The following PRR5L variants were observed in gnomAD, a reference collection of about 807,000 sequenced individuals.
PRR5L encodes the protein proline rich 5 like, also known as proline-rich protein 5-like.
In PRR5L, 21 loss-of-function variants were observed where a neutral mutation model predicts 36.4. The observed-to-expected ratio is 0.58, with a 90% CI of 0.41 to 0.83. The LOEUF is 0.83. Ranked by LOEUF, PRR5L falls within the 40% of genes least tolerant of loss-of-function variation. PRR5L has a pLI of 0.00. For synonymous variants in PRR5L, 188 were observed against 197.0 expected (o/e 0.95, Z 0.38); for missense variants, 381 against 473.3 (o/e 0.80, Z 1.81).
chr11:36,333,762 T>C (rs1856741999), intron 1 of PRR5L, among the ~76,000 whole-genome samples: 1 of 152,214 alleles, frequency 6.6e-6, no homozygotes, highest in Non-Finnish European at 1.5e-5. Context: ...GGAAATCTTC[T>C]GGGAATGGTA....
chr11:36,341,963 CT>C (rs1304093820), intron 1 of PRR5L, among the ~76,000 whole-genome samples: 1 of 152,200 alleles, frequency 6.6e-6, no homozygotes, highest in Non-Finnish European at 1.5e-5. Flanking sequence ...CATTGGACAG[CT>C]AATGGAAATG....
chr11:36,417,523 T>C (rs866940436), intron 3 of PRR5L, among the ~76,000 whole-genome samples: 3 of 138,716 alleles, frequency 2.2e-5, no homozygotes, highest in South Asian at 2.4e-4. Flanking sequence ...AACTCCTGGG[T>C]TGTGTTGACA....
intron 1 of PRR5L, among the ~76,000 whole-genome samples, chr11:36,368,296 A>T (rs1393099966): frequency 2.0e-5 from 3 of 152,138 alleles, no homozygotes; most frequent in Non-Finnish European, 4.4e-5. Flanking sequence ...GGGGATAGCG[A>T]GTAGAATAGT....
At chr11:36,460,744 A>G (rs1398058346) in intron 8 of PRR5L, among the ~76,000 whole-genome samples, 1 of 152,202 alleles carries the variant, frequency 6.6e-6, no homozygotes, top group Non-Finnish European at 1.5e-5. Context: ...ATCTTGCCCT[A>G]TGACCTTCGA....
intron 1 of PRR5L, among the ~76,000 whole-genome samples, chr11:36,368,053 G>A (rs575821043): frequency 9.2e-5 from 14 of 152,064 alleles, no homozygotes; most frequent in Non-Finnish European, 2.1e-4. Flanking sequence ...AAATGAAAAC[G>A]TCAAGGCTGA....
At chr11:36,398,274 T>A (rs1857711364) in intron 1 of PRR5L, 1 of 152,388 alleles carries the variant, frequency 6.6e-6, no homozygotes, top group African/African-American at 2.4e-5. Flanking sequence ...ACCTTTGTCA[T>A]CTGTCAATGG....
At chr11:36,370,633 G>C (rs1356545214) in intron 1 of PRR5L, among the ~76,000 whole-genome samples, 1 of 152,184 alleles carries the variant, frequency 6.6e-6, no homozygotes, top group Non-Finnish European at 1.5e-5. Flanking sequence ...TGTAATCCCA[G>C]CACTTTGGGA....
At chr11:36,362,672 C>A (rs1216070465) in intron 1 of PRR5L, among the ~76,000 whole-genome samples, 1 of 152,212 alleles carries the variant, frequency 6.6e-6, no homozygotes, top group East Asian at 1.9e-4. Context: ...TCTTTCCTTT[C>A]TCACTTCCAC....
intron 1 of PRR5L, among the ~76,000 whole-genome samples, chr11:36,374,087 T>G (rs569395618): frequency 4.3e-5 from 5 of 117,560 alleles, no homozygotes; most frequent in Non-Finnish European, 8.9e-5. Context: ...CCTTCCTTCC[T>G]TCCTTCCTTC....
chr11:36,314,844 G>C (rs1256093472), intron 1 of PRR5L, among the ~76,000 whole-genome samples: 3 of 152,146 alleles, frequency 2.0e-5, no homozygotes, highest in African/African-American at 4.8e-5. Flanking sequence ...ATGTGACCTT[G>C]GGTGAGTTAT....
chr11:36,336,714 G>A (rs1856772381), intron 1 of PRR5L, among the ~76,000 whole-genome samples: 1 of 151,958 alleles, frequency 6.6e-6, no homozygotes, highest in Non-Finnish European at 1.5e-5. Context: ...TCTAAGATGT[G>A]TTATAAACAT....
intron 5 of PRR5L, among the ~76,000 whole-genome samples, chr11:36,432,894 C>G (rs1406715652): frequency 6.6e-6 from 1 of 152,156 alleles, no homozygotes; most frequent in Non-Finnish European, 1.5e-5. Flanking sequence ...AAATGAGAAA[C>G]TGACGCTGGA....
chr11:36,340,626 T>G (rs1337456036), intron 1 of PRR5L, among the ~76,000 whole-genome samples: 1 of 152,144 alleles, frequency 6.6e-6, no homozygotes, highest in Non-Finnish European at 1.5e-5. Context: ...CTTCAGAGTC[T>G]TTGCTTTGAA....
At chr11:36,367,315 A>T (rs184707037) in intron 1 of PRR5L, among the ~76,000 whole-genome samples, 4 of 152,240 alleles carry the variant, frequency 2.6e-5, no homozygotes, top group Admixed American at 2.0e-4. Context: ...GTTGGTCAAT[A>T]ACACACAAGT....
intron 4 of PRR5L, among the ~76,000 whole-genome samples, chr11:36,427,344 TGGGTG>T (rs1398816010): frequency 6.6e-6 from 1 of 152,144 alleles, no homozygotes; most frequent in Non-Finnish European, 1.5e-5. Context: ...AGTTGCTTCC[TGGGTG>T]GTTACTATTT....
intron 3 of PRR5L, among the ~76,000 whole-genome samples, chr11:36,408,443 C>G (rs1857955367): frequency 6.6e-6 from 1 of 152,160 alleles, no homozygotes; most frequent in Admixed American, 6.5e-5. Context: ...TAATATCTCT[C>G]AAGGCAAGAA....
chr11:36,376,252 A>G, intron 1 of PRR5L: 17 of 1,200,270 alleles, frequency 1.4e-5, no homozygotes, highest in Non-Finnish European at 1.7e-5. Context: ...GTTGGGGGAC[A>G]TTGGAGAGAC....
intron 1 of PRR5L, among the ~76,000 whole-genome samples, chr11:36,367,647 G>A (rs1857157100): frequency 6.6e-6 from 1 of 152,102 alleles, no homozygotes; most frequent in South Asian, 2.1e-4. Flanking sequence ...AGGACAACTT[G>A]ACCTGGACCC....
At chr11:36,438,649 C>T (rs1220701299) in intron 6 of PRR5L, among the ~76,000 whole-genome samples, 2 of 152,030 alleles carry the variant, frequency 1.3e-5, no homozygotes, top group African/African-American at 4.8e-5. Flanking sequence ...GATAAGGTTG[C>T]CAGATGAAGC....
Sources: allele counts gnomAD v4.1 joint callset (sites outside exome capture counted in the v4.1 genomes callset), GRCh38; gene constraint gnomAD v4.1.1; transcripts MANE v1.5; gene names NCBI Gene and HGNC (gene_info 2026-07-23, HGNC 2026-07-21).